The following SLC24A3 variants were observed in gnomAD, a reference collection of about 807,000 sequenced individuals.
SLC24A3 encodes the protein sodium/potassium/calcium exchanger 3.
A neutral mutation model predicts 75.8 loss-of-function variants in SLC24A3; 28 were observed. The observed-to-expected ratio is 0.37, with a 90% confidence interval of 0.27 to 0.51. The LOEUF (loss-of-function observed/expected upper bound fraction) is 0.51. SLC24A3 is among the 20% of genes least tolerant of loss of function. SLC24A3 has a pLI of 0.94. For synonymous variants in SLC24A3, 372 were observed against 334.1 expected (o/e 1.11, Z -1.24); for missense variants, 663 against 847.8 (o/e 0.78, Z 2.71).
intron 2 of SLC24A3, among the ~76,000 whole-genome samples, chr20:19,446,838 G>A (rs1055885290): frequency 7.9e-5 from 12 of 152,310 alleles, no homozygotes; most frequent in African/African-American, 2.2e-4. Flanking sequence ...AAAGGCTTTC[G>A]CGTGCACCTG....
At chr20:19,585,779 A>G (rs1275658209) in intron 6 of SLC24A3, among the ~76,000 whole-genome samples, 1 of 152,140 alleles carries the variant, frequency 6.6e-6, no homozygotes, top group African/African-American at 2.4e-5. Context: ...TCAGGTCCAC[A>G]TAAATAATTA....
chr20:19,673,124 G>T (rs4813369), intron 8 of SLC24A3, among the ~76,000 whole-genome samples: 11,339 of 152,128 alleles, frequency 0.075, 503 homozygotes, highest in East Asian at 0.2. Flanking sequence ...TACCTTCCCT[G>T]CCCAGGTTCC....
intron 2 of SLC24A3, among the ~76,000 whole-genome samples, chr20:19,460,436 G>A (rs1042078594): frequency 5.3e-5 from 6 of 113,392 alleles, no homozygotes. Context: ...CCAGATGTGG[G>A]CAGGATTCTC....
chr20:19,503,165 A>C lies in SLC24A3; in HGVS notation c.272-12323A>C, dbSNP rs143863986. Among the ~76,000 whole-genome samples, 4 of 152,180 alleles carry C rather than the reference A, an allele frequency of 2.6e-5. No homozygotes were observed. The East Asian group carries it at 7.7e-4, about 29-fold the overall frequency. On this transcript the variant is annotated intron_variant, in intron 2 of 16. Transcript: ENST00000328041. ...CAGTGCCCTTCCTAAGATACCTCTC[A>C]TGTCATCAGTTTCTGTTCTTAATCT...
At chr20:19,238,249 ATC>A (rs2122159117) in intron 1 of SLC24A3, among the ~76,000 whole-genome samples, 1 of 152,196 alleles carries the variant, frequency 6.6e-6, no homozygotes, top group Admixed American at 6.5e-5. Flanking sequence ...GCCGTTTGTC[ATC>A]TGTGTGTCTG....
At chr20:19,457,919 G>A (rs1251214606) in intron 2 of SLC24A3, among the ~76,000 whole-genome samples, 1 of 152,172 alleles carries the variant, frequency 6.6e-6, no homozygotes, top group Non-Finnish European at 1.5e-5. Flanking sequence ...GCAAAGCCTT[G>A]GGATTAGGTG....
chr20:19,515,517 A>G lies in SLC24A3; in HGVS notation c.301A>G (p.Thr101Ala). 6.2e-7 allele frequency: 1 copy of G among 1,614,152 alleles called. No homozygotes were observed. The highest frequency in any genetic ancestry group is 8.5e-7 in the Non-Finnish European group (1 of 1,180,022). The change falls in exon 3 of 17, where the codon ACA becomes GCA. Residue 101 changes from threonine (T) to alanine (A), a missense_variant. This residue lies in a region of SLC24A3 where 153 missense variants were observed against 144.2 expected (regional missense o/e 1.06). Coordinates refer to ENST00000328041, the MANE Select transcript of SLC24A3 (RefSeq NM_020689.4). ...ALHEFPNDIF[T>A]NEDRRQGAVV... ...GCATGAATTCCCCAATGACATCTTCACAAACGAGGATAGAAGACAAGGTGC... is the reference window on the plus strand; with the variant it reads ...GCATGAATTCCCCAATGACATCTTCGCAAACGAGGATAGAAGACAAGGTGC...
intron 2 of SLC24A3, among the ~76,000 whole-genome samples, chr20:19,439,161 G>GC (rs1987258122): frequency 6.6e-6 from 1 of 152,192 alleles, no homozygotes; most frequent in Admixed American, 6.5e-5. Context: ...CCAGCCTGCT[G>GC]CCCCCTTAGC....
intron 3 of SLC24A3, among the ~76,000 whole-genome samples, chr20:19,534,771 G>A (rs2030366740): frequency 6.6e-6 from 1 of 152,080 alleles, no homozygotes; most frequent in Non-Finnish European, 1.5e-5. Flanking sequence ...AGTAAGTTGA[G>A]GCTCCTTAGC....
chr20:19,280,325 T>C (rs571906811), intron 1 of SLC24A3, among the ~76,000 whole-genome samples: 2 of 152,316 alleles, frequency 1.3e-5, no homozygotes, highest in Non-Finnish European at 2.9e-5. Flanking sequence ...CATGAACCTA[T>C]GCTTTGGGGA....
Position 19,363,706 on chromosome 20 carries a change from A to G in SLC24A3, c.271+82619A>G, listed in dbSNP as rs6136689. ...TTATTGTTTTTAGAGCATGCTAGAGAACTACAACAGACTGTTTGGAGCCTT... is the reference window on the plus strand; with the variant it reads ...TTATTGTTTTTAGAGCATGCTAGAGGACTACAACAGACTGTTTGGAGCCTT... On this transcript the variant is annotated intron_variant, in intron 2 of 16. Transcript: ENST00000328041. Among the ~76,000 whole-genome samples, 12 of 152,346 alleles carry G rather than the reference A, an allele frequency of 7.9e-5. No homozygotes were observed. In the East Asian group the frequency reaches 2.1e-3, roughly 27 times the overall value.
chr20:19,534,208 C>G (rs1275095009), intron 3 of SLC24A3, among the ~76,000 whole-genome samples: 1 of 152,252 alleles, frequency 6.6e-6, no homozygotes, highest in East Asian at 1.9e-4. Flanking sequence ...GGTTTGTCTA[C>G]TCTCTGGAGC....
At chr20:19,310,864 AC>A (rs1372739719) in intron 2 of SLC24A3, among the ~76,000 whole-genome samples, 1 of 152,234 alleles carries the variant, frequency 6.6e-6, no homozygotes, top group Non-Finnish European at 1.5e-5. Context: ...AGCTCCAAGG[AC>A]AGCCAGCATG....
At chr20:19,606,693 G>A (rs113894637) in intron 6 of SLC24A3, among the ~76,000 whole-genome samples, 4,091 of 152,278 alleles carry the variant, frequency 0.027, 95 homozygotes, top group Middle Eastern at 0.041. Flanking sequence ...GAATGCAGAG[G>A]GAAGAAGGCC....
chr20:19,460,259 A>G (rs1318123222), intron 2 of SLC24A3, among the ~76,000 whole-genome samples: 1 of 152,038 alleles, frequency 6.6e-6, no homozygotes, highest in Non-Finnish European at 1.5e-5. Context: ...AAAGAAAGAT[A>G]TGGGTCCAGG....
chr20:19,346,277 TATATATATGGTATATA>T (rs1985419295), intron 2 of SLC24A3, among the ~76,000 whole-genome samples: 1 of 119,720 alleles, frequency 8.4e-6, no homozygotes, highest in Non-Finnish European at 1.7e-5. Context: ...ATATGGTGTA[TATATATATGGTATATA>T]TATATGGTGT....
intron 2 of SLC24A3, among the ~76,000 whole-genome samples, chr20:19,456,115 T>C (rs1215399630): frequency 6.6e-6 from 1 of 152,142 alleles, no homozygotes; most frequent in Admixed American, 6.5e-5. Context: ...CTGTAACACG[T>C]TTCTTAAAGT....
intron 2 of SLC24A3, among the ~76,000 whole-genome samples, chr20:19,471,856 A>G (rs1424124461): frequency 1.3e-5 from 2 of 152,176 alleles, no homozygotes; most frequent in Non-Finnish European, 2.9e-5. Flanking sequence ...CCTATATCCA[A>G]ATTTCAAACG....
intron 2 of SLC24A3, among the ~76,000 whole-genome samples, chr20:19,281,698 C>T (rs1011489572): frequency 3.9e-5 from 6 of 152,082 alleles, no homozygotes; most frequent in Middle Eastern, 3.2e-3. Context: ...GCCTCAGGGA[C>T]GTGACAGGCA....
Sources: allele counts gnomAD v4.1 joint callset (sites outside exome capture counted in the v4.1 genomes callset), GRCh38; gene constraint gnomAD v4.1.1; regional missense constraint gnomAD v4.1.1; transcripts MANE v1.5; gene names NCBI Gene and HGNC (gene_info 2026-07-23, HGNC 2026-07-21).